Variants in PKNOX2 observed in about 807,000 individuals in gnomAD.
The protein encoded by PKNOX2 is PBX/knotted 1 homeobox 2, also known as homeobox protein PKNOX2.
Under a neutral mutation model 53.1 loss-of-function variants are expected in PKNOX2, and 14 were observed. The ratio of observed to expected loss-of-function variants is 0.26; its 90% CI spans 0.17 to 0.41. PKNOX2 has a LOEUF of 0.41. Ranked by LOEUF, PKNOX2 falls within the 10% of genes least tolerant of loss-of-function variation. The pLI is 1.00. For missense variants in PKNOX2, 496 were observed against 602.8 expected, an observed-to-expected ratio of 0.82 and a Z score of 1.85; for synonymous variants, 257 against 242.8, an observed-to-expected ratio of 1.06 and a Z score of -0.54.
intron 1 of PKNOX2, among the ~76,000 whole-genome samples, chr11:125,205,619 TTCTA>T (rs1591480368): frequency 6.6e-6 from 1 of 151,034 alleles, no homozygotes; most frequent in South Asian, 2.1e-4. Flanking sequence ...AGCCCAAATA[TTCTA>T]TCTCTCTAAG....
chr11:125,198,841 C>T (rs1975395), intron 1 of PKNOX2, among the ~76,000 whole-genome samples: 3,865 of 96,000 alleles, frequency 0.04, 198 homozygotes, highest in African/African-American at 0.12. Context: ...TCTTCTTCTT[C>T]TTTTTTTTTT....
chr11:125,349,995 G>A (rs1377648226), intron 3 of PKNOX2, among the ~76,000 whole-genome samples: 2 of 152,136 alleles, frequency 1.3e-5, no homozygotes, highest in African/African-American at 4.8e-5. Context: ...GGAAGAGGAT[G>A]AAGCCCTAGG....
intron 1 of PKNOX2, among the ~76,000 whole-genome samples, chr11:125,222,069 C>T (rs1215451514): frequency 6.6e-6 from 1 of 152,166 alleles, no homozygotes; most frequent in Non-Finnish European, 1.5e-5. Context: ...ATCAGAGGGA[C>T]AAGGAGAATT....
rs1225185837 is a variant in PKNOX2, at chr11:125,235,026, T to C, written c.-200-19T>C. 6.5e-6 allele frequency: 1 copy of C among 152,674 alleles called. No homozygotes were observed. Among genetic ancestry groups the C allele is most frequent in the Non-Finnish European group, 1.5e-5 (1 of 68,066 alleles). 9.5% of individuals were successfully genotyped at this position (152,674 alleles called of 1,614,324 possible). ...CAGCATCTTACACAGTCTATAAAGA[T>C]GTTTTCTTTCATTGGCAGGTGAAGT... is the stretch of plus-strand genomic sequence containing the variant. On this transcript the variant is annotated intron_variant, in intron 1 of 12. Coordinates refer to ENST00000298282, the MANE Select transcript of PKNOX2 (RefSeq NM_001382323.2).
chr11:125,375,980 G>A (rs774295004), intron 5 of PKNOX2, among the ~76,000 whole-genome samples: 27 of 152,202 alleles, frequency 1.8e-4, no homozygotes, highest in Non-Finnish European at 2.8e-4. Context: ...GGCTGGACGC[G>A]ACATCCCCAC....
rs552515833 is a variant in PKNOX2 at position 125,197,929 on chromosome 11, G to A, written c.-201+33153G>A. Among the ~76,000 whole-genome samples, 3 of 152,324 alleles carry A rather than the reference G, an allele frequency of 2.0e-5. No individual in the cohort carries two copies. The East Asian group carries it at 5.8e-4, about 29-fold the overall frequency. On this transcript the variant is annotated intron_variant, in intron 1 of 12. Transcript: ENST00000298282. ...GGGGTTGCAGATTAGAGACCCTAGG[G>A]AAGCTAATGGTCACTCCCTGCAAAC...
intron 2 of PKNOX2, among the ~76,000 whole-genome samples, chr11:125,316,514 C>T (rs962836579): frequency 4.6e-5 from 7 of 151,946 alleles, no homozygotes; most frequent in Admixed American, 6.5e-5. Flanking sequence ...TGGGAGACAT[C>T]GCAGGTTGGA....
At chr11:125,247,087 G>C (rs1007660855) in intron 2 of PKNOX2, among the ~76,000 whole-genome samples, 1 of 152,124 alleles carries the variant, frequency 6.6e-6, no homozygotes, top group South Asian at 2.1e-4. Context: ...GCCTGAAAAC[G>C]ACCCCCAGGG....
At chr11:125,252,081 C>T (rs113574614) in intron 2 of PKNOX2, among the ~76,000 whole-genome samples, 102 of 152,292 alleles carry the variant, frequency 6.7e-4, no homozygotes, top group Middle Eastern at 3.4e-3. Context: ...CTCCATCAGG[C>T]AAGGCCACAG....
chr11:125,373,345 G>A, intron 5 of PKNOX2, among the ~76,000 whole-genome samples: 1 of 152,238 alleles, frequency 6.6e-6, no homozygotes, highest in East Asian at 1.9e-4. Context: ...CATTCAGGAT[G>A]TGAAGTCTGG....
At chr11:125,192,809 C>CCT (rs1565465962) in intron 1 of PKNOX2, among the ~76,000 whole-genome samples, 2 of 152,120 alleles carry the variant, frequency 1.3e-5, no homozygotes, top group African/African-American at 4.8e-5. Flanking sequence ...CAGGAAATCA[C>CCT]GGCCAGCCAG....
intron 2 of PKNOX2, among the ~76,000 whole-genome samples, chr11:125,269,543 A>C (rs1012940400): frequency 6.6e-6 from 1 of 152,228 alleles, no homozygotes; most frequent in Non-Finnish European, 1.5e-5. Flanking sequence ...GACTGCTGAC[A>C]CTGGCAGAGG....
intron 2 of PKNOX2, among the ~76,000 whole-genome samples, chr11:125,290,914 G>A (rs1947263832): frequency 6.6e-6 from 1 of 152,138 alleles, no homozygotes; most frequent in South Asian, 2.1e-4. Flanking sequence ...TGACACCTGA[G>A]CTGACCCTAG....
rs369556248 is a variant in PKNOX2 at position 125,389,478 on chromosome 11, C to G, written c.399+3756C>G. On this transcript the variant is annotated intron_variant, in intron 6 of 12. Transcript: ENST00000298282. ...CCCTCATGGTGGTCAAGCTGCAATG[C>G]CCCTGGCTGGCTCCCCTGGGAAAGG... Among the ~76,000 whole-genome samples, 12 of 152,288 alleles carry G rather than the reference C, an allele frequency of 7.9e-5. No individual in the cohort carries two copies. The East Asian group carries it at 2.3e-3, about 29-fold the overall frequency.
At chr11:125,315,328 A>AAAAAAAAAAAAAAAAAAAAAAAC (rs1201379428) in intron 2 of PKNOX2, among the ~76,000 whole-genome samples, 2 of 144,848 alleles carry the variant, frequency 1.4e-5, no homozygotes, top group African/African-American at 5.5e-5. Context: ...AAAAAAAAAA[A>AAAAAAAAAAAAAAAAAAAAAAAC]CACCTCTCTC....
chr11:125,350,432 C>T (rs749465735), intron 3 of PKNOX2, among the ~76,000 whole-genome samples: 7 of 152,138 alleles, frequency 4.6e-5, no homozygotes, highest in Non-Finnish European at 8.8e-5. Context: ...CCCCAACCCC[C>T]GCCCTCCCAT....
At chr11:125,246,806 T>A (rs1041711816) in intron 2 of PKNOX2, among the ~76,000 whole-genome samples, 1 of 152,214 alleles carries the variant, frequency 6.6e-6, no homozygotes, top group Non-Finnish European at 1.5e-5. Context: ...TCTTAGGCCC[T>A]GTGCTTTGAT....
intron 1 of PKNOX2, among the ~76,000 whole-genome samples, chr11:125,214,509 G>C (rs1940246110): frequency 6.6e-6 from 1 of 151,878 alleles, no homozygotes; most frequent in African/African-American, 2.4e-5. Context: ...TCCTGAAAAG[G>C]GAAAAAAGGA....
rs201047230 is a variant in PKNOX2 at position 125,355,289 on chromosome 11, A to G, written c.87+3897A>G. Among the ~76,000 whole-genome samples the G allele has an allele frequency of 2.1e-3, 316 of 151,886 alleles. 5 individuals are homozygous for G. In the East Asian group the frequency reaches 0.039, roughly 19 times the overall value. On this transcript the variant is annotated intron_variant, in intron 4 of 12. Coordinates refer to ENST00000298282, the MANE Select transcript of PKNOX2 (RefSeq NM_001382323.2). ...CTCAAAAAAAAAAGAAAAAAAAAAA[A>G]AAAAGAAAGAAAGAAAGTGCAAAAG...
Sources: gnomAD v4.1 joint callset for allele counts (sites outside exome capture counted in the v4.1 genomes callset) on GRCh38, gnomAD v4.1.1 for gene constraint, MANE v1.5 for transcripts, NCBI Gene and HGNC (gene_info 2026-07-23, HGNC 2026-07-21) for gene names.